ENAH: variants seen among roughly 807,000 people sequenced by gnomAD.
ENAH encodes protein enabled homolog.
A neutral mutation model predicts 78.7 loss-of-function variants in ENAH; 23 were observed. That is an observed-to-expected ratio of 0.29 (90% CI 0.21 to 0.41). The LOEUF (loss-of-function observed/expected upper bound fraction) is 0.41. Among genes scored for constraint, ENAH ranks in the 10% least tolerant of loss-of-function variants. The pLI, the probability that ENAH is intolerant of heterozygous loss-of-function variation, is 1.00. For missense variants in ENAH, 544 were observed against 691.0 expected (o/e 0.79, Z 2.39); for synonymous variants, 226 against 241.0 (o/e 0.94, Z 0.58).
chr1:225,596,613 C>T (rs1363051611), intron 1 of ENAH, among the ~76,000 whole-genome samples: 1 of 152,124 alleles, frequency 6.6e-6, no homozygotes, highest in Non-Finnish European at 1.5e-5. Flanking sequence ...TAATAAAAGA[C>T]TAGAAATATT....
At chr1:225,581,730 G>A (rs2096819203) in intron 1 of ENAH, among the ~76,000 whole-genome samples, 1 of 151,862 alleles carries the variant, frequency 6.6e-6, no homozygotes, top group South Asian at 2.1e-4. Context: ...GTTTCACTCC[G>A]TCACCCAGGC....
intron 4 of ENAH, among the ~76,000 whole-genome samples, chr1:225,520,947 A>C: frequency 2.0e-4 from 1 of 5,044 alleles, no homozygotes; most frequent in Non-Finnish European, 4.5e-4. Context: ...GGAGGGAGGG[A>C]GGGAGGGAGG....
At position 225,495,761 on chromosome 1, in the gene ENAH, AAAT is replaced by A. The variant is rs1271645715; in HGVS notation, c.*2011_*2013del. The A allele has an allele frequency of 1.3e-5, 2 of 152,582 alleles. No homozygotes were observed. Among genetic ancestry groups the A allele is most frequent in the African/African-American group, 2.4e-5 (1 of 41,450 alleles). 9.5% of individuals were successfully genotyped at this position (152,582 alleles called of 1,614,324 possible). ...GAAAATGCCTCCTATTTCTTTTAGA[AAAT>A]AATACTTAATAAGCTTGCTGCATCT... On this transcript the variant is annotated 3_prime_UTR_variant, in exon 14 of 14. Transcript: ENST00000366843.
chr1:225,591,752 C>G (rs1430783941), intron 1 of ENAH, among the ~76,000 whole-genome samples: 2 of 108,078 alleles, frequency 1.9e-5, no homozygotes, highest in African/African-American at 3.8e-5. Context: ...GCGACAGAGA[C>G]AGACTCCGTC....
chr1:225,561,465 T>C (rs951761489), intron 2 of ENAH, among the ~76,000 whole-genome samples: 1 of 149,498 alleles, frequency 6.7e-6, no homozygotes, highest in Non-Finnish European at 1.5e-5. Flanking sequence ...CTACTAAAAA[T>C]ATAAAAATTA....
intron 1 of ENAH, among the ~76,000 whole-genome samples, chr1:225,636,672 T>C (rs1293592577): frequency 6.6e-6 from 1 of 152,110 alleles, no homozygotes; most frequent in African/African-American, 2.4e-5. Context: ...AGCAAGACAC[T>C]CATCTCTACA....
intron 10 of ENAH, 28 bp from the exon 11 acceptor site, chr1:225,508,045 A>T (rs763171487): frequency 6.5e-6 from 9 of 1,375,662 alleles, no homozygotes; most frequent in Non-Finnish European, 8.9e-6. Context: ...AAAAGCTATT[A>T]AATAAATAAA....
intron 1 of ENAH, among the ~76,000 whole-genome samples, chr1:225,582,787 T>C (rs976043895): frequency 2.6e-5 from 4 of 152,186 alleles, no homozygotes; most frequent in African/African-American, 9.6e-5. Context: ...AACCAAGTTA[T>C]ACAGATCTGT....
At chr1:225,536,481 A>G (rs751516948) in intron 3 of ENAH, among the ~76,000 whole-genome samples, 1 of 152,058 alleles carries the variant, frequency 6.6e-6, no homozygotes, top group African/African-American at 2.4e-5. Context: ...TCAGCATGGG[A>G]AAGATTTTCT....
intron 5 of ENAH, chr1:225,517,590 G>A: frequency 6.4e-7 from 1 of 1,551,222 alleles, no homozygotes; most frequent in Non-Finnish European, 8.7e-7. Flanking sequence ...CTTTGCCTGG[G>A]GGGCTGCTAA....
intron 3 of ENAH, among the ~76,000 whole-genome samples, chr1:225,546,056 T>C (rs2096612233): frequency 6.6e-6 from 1 of 151,708 alleles, no homozygotes; most frequent in South Asian, 2.1e-4. Flanking sequence ...CCCAAGAAGC[T>C]AGGGCTATAG....
intron 1 of ENAH, among the ~76,000 whole-genome samples, chr1:225,613,187 GCCT>G (rs140157510): frequency 6.6e-6 from 1 of 152,186 alleles, no homozygotes; most frequent in East Asian, 1.9e-4. Context: ...TCCAATGACT[GCCT>G]CCTCATCTTT....
intron 1 of ENAH, among the ~76,000 whole-genome samples, chr1:225,622,581 C>T (rs1023888640): frequency 3.3e-5 from 5 of 152,262 alleles, no homozygotes; most frequent in East Asian, 1.9e-4. Context: ...AGTCCAAGAT[C>T]AAATTGCCAA....
At chr1:225,650,363 A>G (rs543485070) in intron 1 of ENAH, among the ~76,000 whole-genome samples, 2 of 152,344 alleles carry the variant, frequency 1.3e-5, no homozygotes, top group South Asian at 2.1e-4. Context: ...TAAGGAACAG[A>G]GCAAGAAAAG....
chr1:225,573,175 G>A (rs2096772048), intron 1 of ENAH, among the ~76,000 whole-genome samples: 1 of 152,148 alleles, frequency 6.6e-6, no homozygotes, highest in African/African-American at 2.4e-5. Flanking sequence ...AAACCAAGTT[G>A]TTAACAAATA....
chr1:225,519,391 G>T lies in ENAH; in HGVS notation c.609C>A (p.Arg203=), dbSNP rs1456301815. Residue 203 remains arginine (R), a synonymous_variant, in exon 5 of 14, where the codon CGC becomes CGA. Coordinates refer to ENST00000366843, the MANE Select transcript of ENAH (RefSeq NM_018212.6). ...RERQERERQE[R]LERQERLERQ... is the part of the protein sequence containing the mutation. ...GCTCCAGGCGTTCCTGCCGCTCCAG[G>T]CGTTCCTGCCGTTCCCGTTCTTGTC... 1 of 1,602,174 alleles carries T rather than the reference G, an allele frequency of 6.2e-7. No homozygotes were observed. The highest frequency in any genetic ancestry group is 2.2e-5 in the East Asian group (1 of 44,732).
intron 1 of ENAH, among the ~76,000 whole-genome samples, chr1:225,607,379 A>T (rs1423098977): frequency 6.6e-6 from 1 of 152,220 alleles, no homozygotes; most frequent in Non-Finnish European, 1.5e-5. Flanking sequence ...ACAATTTTGA[A>T]AGCCGAAAAG....
chr1:225,641,880 G>C (rs1262231925), intron 1 of ENAH, among the ~76,000 whole-genome samples: 1 of 152,088 alleles, frequency 6.6e-6, no homozygotes, highest in Non-Finnish European at 1.5e-5. Flanking sequence ...AATTACCTGG[G>C]CGTGGTCTCG....
chr1:225,504,979 G>A, intron 11 of ENAH: 1 of 1,603,634 alleles, frequency 6.2e-7, no homozygotes, highest in Non-Finnish European at 8.5e-7. Flanking sequence ...CAACGTCACA[G>A]CAGGATGATA....
Sources: allele counts gnomAD v4.1 joint callset (sites outside exome capture counted in the v4.1 genomes callset), GRCh38; gene constraint gnomAD v4.1.1; transcripts MANE v1.5; gene names NCBI Gene and HGNC (gene_info 2026-07-23, HGNC 2026-07-21).